TDRD12: variants seen among roughly 807,000 people sequenced by gnomAD.
The protein encoded by TDRD12 is tudor domain containing 12.
TDRD12 carries 158 observed loss-of-function variants against 133.5 expected under a neutral mutation model. The observed-to-expected ratio is 1.18, with a 90% CI of 1.04 to 1.35. TDRD12 has a LOEUF of 1.35. TDRD12 is among the 40% of genes most tolerant of loss of function. The probability of loss-of-function intolerance (pLI) is 0.00; values close to 1 mark genes in which losing one functional copy is unlikely to be tolerated. For missense variants in TDRD12, 1,443 were observed against 1,321.3 expected, an observed-to-expected ratio of 1.09 and a Z score of -1.43; for synonymous variants, 460 against 477.9, an observed-to-expected ratio of 0.96 and a Z score of 0.49.
chr19:32,755,881 G>C, intron 6 of TDRD12, 111 bp from the exon 7 acceptor site: 1 of 795,284 alleles, frequency 1.3e-6, no homozygotes, highest in Non-Finnish European at 1.8e-6. Context: ...ATTATGTTCT[G>C]TAAAATAATT....
intron 14 of TDRD12, chr19:32,795,995 A>G: frequency 4.1e-6 from 1 of 243,224 alleles, no homozygotes; most frequent in Non-Finnish European, 6.6e-6. Flanking sequence ...TGGGGATTAC[A>G]TTTAACATGA....
chr19:32,726,425 GA>G (rs912059385), intron 1 of TDRD12, among the ~76,000 whole-genome samples: 1 of 152,152 alleles, frequency 6.6e-6, no homozygotes, highest in African/African-American at 2.4e-5. Context: ...TCCCTCTCCA[GA>G]AGTCTTTTTC....
intron 21 of TDRD12, among the ~76,000 whole-genome samples, chr19:32,804,174 G>A (rs906268528): frequency 8.6e-5 from 13 of 151,742 alleles, no homozygotes; most frequent in Admixed American, 5.9e-4. Flanking sequence ...CCAGGTTCAC[G>A]CCATTCTCTT....
intron 14 of TDRD12, chr19:32,796,185 G>A (rs1164393289): frequency 5.1e-6 from 5 of 985,232 alleles, no homozygotes; most frequent in Admixed American, 6.1e-5. Context: ...TGCTCCAGAC[G>A]GGGCTCCACC....
rs937166570 is a variant in TDRD12 at position 32,794,508 on chromosome 19, G to A, written c.1288-120G>A. Reference sequence around the variant, plus strand: ...ATTTGGGGAAACTTAACAAGTTAGGGCTTGGAAAATACTGGGTTTGGCAAT... The same window carrying A: ...ATTTGGGGAAACTTAACAAGTTAGGACTTGGAAAATACTGGGTTTGGCAAT... On this transcript the variant is annotated intron_variant, in intron 13 of 27. Coordinates refer to ENST00000444215, the Ensembl canonical transcript of TDRD12. The A allele has an allele frequency of 2.3e-5, 14 of 607,130 alleles. 1 individual carries two copies. In the Middle Eastern group the frequency reaches 8.8e-4, roughly 38 times the overall value. The allele number at this position is 607,130 out of a possible 1,614,324, so 37.6% of individuals were successfully genotyped here. A position where few individuals can be genotyped will look rare whatever the true frequency, so the allele number is the denominator to read the frequency against.
chr19:32,794,705 T>C (rs1301653371), exon 14 of TDRD12: 1 of 703,220 alleles, frequency 1.4e-6, no homozygotes, highest in East Asian at 2.7e-5. Flanking sequence ...GTGGCTGTGA[T>C]GTGGTTGTCA....
At chr19:32,720,055 C>T (rs1224936663) in exon 1 of TDRD12, 1 of 1,548,088 alleles carries the variant, frequency 6.5e-7, no homozygotes, top group Non-Finnish European at 8.7e-7. Context: ...GGCCCATCTG[C>T]CCTCGGGCGC....
intron 8 of TDRD12, among the ~76,000 whole-genome samples, chr19:32,758,927 C>T (rs1970073204): frequency 6.6e-6 from 1 of 152,004 alleles, no homozygotes; most frequent in South Asian, 2.1e-4. Context: ...GAGTGAGACT[C>T]TGTCTCAGAA....
At chr19:32,804,811 G>A (rs1376817635) in intron 21 of TDRD12, among the ~76,000 whole-genome samples, 2 of 151,574 alleles carry the variant, frequency 1.3e-5, no homozygotes, top group Admixed American at 6.6e-5. Context: ...AGCCAAGTTC[G>A]CGCCACTGCA....
At chr19:32,811,636 C>T (rs896434734) in intron 24 of TDRD12, among the ~76,000 whole-genome samples, 5 of 152,164 alleles carry the variant, frequency 3.3e-5, no homozygotes, top group South Asian at 4.1e-4. Flanking sequence ...CTTGTGCTTA[C>T]GGTCACAGAA....
In TDRD12 at chr19:32,720,036, G is replaced by C. The variant is rs765743936; in HGVS notation, c.-37G>C. 31 of 1,546,844 alleles carry C rather than the reference G, an allele frequency of 2.0e-5. 2 individuals carry two copies. In the South Asian group the frequency reaches 3.7e-4, roughly 18 times the overall value. On this transcript the variant is annotated 5_prime_UTR_variant, in exon 1 of 28. Transcript: ENST00000444215. ...CACCCGCGACGGTAGGGGACTTCCA[G>C]GGCGAGGGGGCCCATCTGCCCTCGG...
chr19:32,761,081 A>G (rs1420861489), intron 8 of TDRD12, among the ~76,000 whole-genome samples: 1 of 152,144 alleles, frequency 6.6e-6, no homozygotes, highest in African/African-American at 2.4e-5. Flanking sequence ...GTCGTTCAGC[A>G]TCACTTGTTG....
In TDRD12 at chr19:32,752,283, G is replaced by A. The variant is rs572067827; in HGVS notation, c.582+2414G>A. The stretch of plus-strand genomic sequence containing the variant: ...CAACCTCCGCCTCCCAGGTTCAAGT[G>A]ATTCTTCTGCCTCAGCCCCCTGAGT... On this transcript the variant is annotated intron_variant, in intron 6 of 27. Coordinates refer to ENST00000444215, the Ensembl canonical transcript of TDRD12. Among the ~76,000 whole-genome samples the A allele has an allele frequency of 3.2e-4, 49 of 152,230 alleles. 2 individuals carry two copies. The South Asian group carries it at 0.01, about 32-fold the overall frequency.
At chr19:32,771,338 C>A (rs1970437744) in intron 8 of TDRD12, among the ~76,000 whole-genome samples, 1 of 152,066 alleles carries the variant, frequency 6.6e-6, no homozygotes, top group Non-Finnish European at 1.5e-5. Flanking sequence ...GCCTAGATAA[C>A]TTTCATATCC....
At position 32,781,086 on chromosome 19, in the gene TDRD12, G is replaced by T. The variant is rs143775503; in HGVS notation, c.1121+3857G>T. 7.8e-3 allele frequency among the ~76,000 whole-genome samples: 1,183 copies of T among 151,800 alleles called. 15 individuals are homozygous for T. The highest frequency in any genetic ancestry group is 0.027 in the African/African-American group (1,121 of 41,436). On this transcript the variant is annotated intron_variant, in intron 11 of 27. Transcript: ENST00000444215. The stretch of plus-strand genomic sequence containing the variant: ...GCCTCCCAAGTAGCTGGGGCTACAG[G>T]CACCCACCATCACGCCTGGCTAATT...
chr19:32,768,277 TTG>T (rs1970353332), intron 8 of TDRD12, among the ~76,000 whole-genome samples: 1 of 152,214 alleles, frequency 6.6e-6, no homozygotes, highest in Non-Finnish European at 1.5e-5. Context: ...ACTTCAGATT[TTG>T]TGTGTCCCTG....
chr19:32,811,199 T>C lies in TDRD12; in HGVS notation c.2838-11T>C. The C allele has an allele frequency of 6.5e-7, 1 of 1,532,884 alleles. No homozygotes were observed. Among genetic ancestry groups the C allele is most frequent in the Non-Finnish European group, 8.7e-7 (1 of 1,144,288 alleles). 95.0% of individuals were successfully genotyped at this position (1,532,884 alleles called of 1,614,324 possible). A position where few individuals can be genotyped will look rare whatever the true frequency, so the allele number is the denominator to read the frequency against. ...ATCTCTGCGTTGAACCGATGCCCCA[T>C]TGCTCTCCAGGGTTCAGGTGTTGGA... On this transcript the variant is annotated splice_polypyrimidine_tract_variant and intron_variant, in intron 23 of 27. Transcript: ENST00000444215.
chr19:32,734,186 C>T (rs530856395), intron 2 of TDRD12, among the ~76,000 whole-genome samples: 66 of 152,136 alleles, frequency 4.3e-4, no homozygotes, highest in Non-Finnish European at 8.7e-4. Flanking sequence ...TGAGCCACCG[C>T]GCCTGGCCTT....
rs972285430 is a variant in TDRD12 at position 32,731,629 on chromosome 19, C to T, written c.25-96C>T. The T allele has an allele frequency of 6.0e-6, 7 of 1,172,712 alleles. No homozygotes were observed. In the African/African-American group the frequency reaches 6.3e-5, roughly 10 times the overall value. The allele number at this position is 1,172,712 out of a possible 1,614,324, so 72.6% of individuals were successfully genotyped here. On this transcript the variant is annotated intron_variant, in intron 1 of 27. Coordinates refer to ENST00000444215, the Ensembl canonical transcript of TDRD12. The stretch of plus-strand genomic sequence containing the variant: ...CATTTGTCAAGAATTTGTTAGGTCA[C>T]TTAAATTAGAAACAGTAATCGTGGC...
Sources: allele counts gnomAD v4.1 joint callset (sites outside exome capture counted in the v4.1 genomes callset), GRCh38; gene constraint gnomAD v4.1.1; transcripts MANE v1.5; gene names NCBI Gene and HGNC (gene_info 2026-07-23, HGNC 2026-07-21).